The following TMEM175 variants were observed in gnomAD, a reference collection of about 807,000 sequenced individuals.
TMEM175 encodes endosomal/lysosomal proton channel TMEM175.
In TMEM175, 36 loss-of-function variants were observed where a neutral mutation model predicts 36.5. The ratio of observed to expected loss-of-function variants is 0.99; its 90% confidence interval spans 0.76 to 1.30. The LOEUF (loss-of-function observed/expected upper bound fraction) is 1.30, where lower values mean the gene tolerates loss of function less well. TMEM175 is among the 50% of genes most tolerant of loss of function. TMEM175 has a pLI of 0.00. For missense variants in TMEM175, 705 were observed against 692.8 expected (o/e 1.02, Z -0.20); for synonymous variants, 339 against 313.4 (o/e 1.08, Z -0.86).
At chr4:954,975 A>G (rs531195609) in intron 8 of TMEM175, among the ~76,000 whole-genome samples, 90 of 152,244 alleles carry the variant, frequency 5.9e-4, no homozygotes, top group South Asian at 2.3e-3. Flanking sequence ...AGAATTTCAG[A>G]TAGGGAGATA....
chr4:937,202 G>A (rs1726893519), intron 1 of TMEM175, among the ~76,000 whole-genome samples: 1 of 152,140 alleles, frequency 6.6e-6, no homozygotes, highest in African/African-American at 2.4e-5. Flanking sequence ...GAAGGGAATA[G>A]ATAACCTAAA....
chr4:939,340 G>A lies in TMEM175; in HGVS notation c.-32+6800G>A, dbSNP rs1389801915. Among the ~76,000 whole-genome samples, 9 of 152,228 alleles carry A rather than the reference G, an allele frequency of 5.9e-5. 1 individual carries two copies. Among genetic ancestry groups the A allele is most frequent in the Admixed American group, 4.6e-4 (7 of 15,276 alleles). ...TCACGCCTGTAATCCTAGCACTTTG[G>A]GAGGCTGAGGCGGGCAGATCACTTG... On this transcript the variant is annotated intron_variant, in intron 1 of 10. Transcript: ENST00000264771.
chr4:937,819 T>C (rs1371091319), intron 1 of TMEM175, among the ~76,000 whole-genome samples: 1 of 152,128 alleles, frequency 6.6e-6, no homozygotes, highest in Non-Finnish European at 1.5e-5. Context: ...AATCCAACAC[T>C]ATATACAGAA....
chr4:957,939 G>A lies in TMEM175; in HGVS notation c.958G>A (p.Val320Met). The part of the protein sequence containing the change: ...FLAYFGSFAT[V>M]GLLWFAHHSL... ...GGCGTACTTCGGCTCCTTCGCCACA[G>A]TGGGACTGCTGTGGTTCGCCCACCA... Residue 320 changes from valine (V) to methionine (M), a missense_variant, in exon 11 of 11, where the codon GTG (valine) becomes ATG (methionine). Transcript: ENST00000264771. 2 of 1,612,864 alleles carry A rather than the reference G, an allele frequency of 1.2e-6. No individual in the cohort carries two copies. The highest frequency in any genetic ancestry group is 1.7e-6 in the Non-Finnish European group (2 of 1,179,944).
intron 10 of TMEM175, chr4:956,371 C>T (rs982718554): frequency 6.7e-5 from 87 of 1,290,752 alleles, no homozygotes; most frequent in Non-Finnish European, 8.2e-5. Flanking sequence ...TGCTCCTCCG[C>T]GGCCTCATCT....
intron 3 of TMEM175, chr4:948,371 G>T: frequency 6.5e-7 from 1 of 1,532,464 alleles, no homozygotes; most frequent in Non-Finnish European, 8.7e-7. Flanking sequence ...TCCTGGGAGG[G>T]TGGGAGACTG....
At chr4:956,410 C>T (rs910998608) in intron 10 of TMEM175, 38 of 1,288,140 alleles carry the variant, frequency 2.9e-5, no homozygotes, top group South Asian at 6.2e-5. Context: ...GCGCGCGTCT[C>T]GTCTCAGTCG....
intron 1 of TMEM175, among the ~76,000 whole-genome samples, chr4:945,255 T>G (rs144662709): frequency 2.2e-4 from 33 of 152,238 alleles, no homozygotes; most frequent in Non-Finnish European, 3.5e-4. Flanking sequence ...AACACACATG[T>G]CCGTTTACAT....
intron 1 of TMEM175, among the ~76,000 whole-genome samples, chr4:934,591 TG>T (rs1726588849): frequency 1.3e-5 from 2 of 152,214 alleles, no homozygotes; most frequent in African/African-American, 4.8e-5. Context: ...TCAAAATGTT[TG>T]TCTGTGGAAG....
rs1158604002 is a variant in TMEM175, at chr4:955,844, G to A, written c.796G>A (p.Asp266Asn). Reference sequence around the variant, plus strand: ...CAAGGAGCGCGTGGAAGCCTTCAGCGACGGAGTCTACGCCATCGTGGCCAC... The same window carrying A: ...CAAGGAGCGCGTGGAAGCCTTCAGCAACGGAGTCTACGCCATCGTGGCCAC... ...LSKERVEAFS[D>N]GVYAIVATLL... The change falls in exon 10 of 11, where the codon GAC (aspartate) becomes AAC (asparagine). Residue 266 changes from aspartate to asparagine, a missense_variant. By Grantham distance (23) the Asp-to-Asn change is conservative. Coordinates refer to ENST00000264771, the MANE Select transcript of TMEM175 (RefSeq NM_032326.4). 8.7e-6 allele frequency: 14 copies of A among 1,613,966 alleles called. No individual in the cohort carries two copies. Among genetic ancestry groups the A allele is most frequent in the East Asian group, 6.7e-5 (3 of 44,896 alleles).
intron 3 of TMEM175, among the ~76,000 whole-genome samples, 181 bp from the exon 4 acceptor site, chr4:950,240 A>G (rs1433850932): frequency 6.6e-6 from 1 of 152,116 alleles, no homozygotes; most frequent in Non-Finnish European, 1.5e-5. Context: ...GGCTGGACCC[A>G]GACCAGGGCA....
intron 8 of TMEM175, among the ~76,000 whole-genome samples, chr4:955,147 G>T (rs1342503596): frequency 6.6e-6 from 1 of 152,090 alleles, no homozygotes; most frequent in Non-Finnish European, 1.5e-5. Context: ...TTACTATGTT[G>T]CCCAGGCTGG....
intron 1 of TMEM175, among the ~76,000 whole-genome samples, chr4:945,381 C>CTCCCCGCCGTCTG (rs1217634992): frequency 1.3e-5 from 2 of 152,136 alleles, no homozygotes; most frequent in Non-Finnish European, 2.9e-5. Flanking sequence ...TGTCGTCTCA[C>CTCCCCGCCGTCTG]TCCCCGCCGT....
chr4:947,052 C>T (rs1478694533), intron 1 of TMEM175, among the ~76,000 whole-genome samples: 3 of 135,174 alleles, frequency 2.2e-5, no homozygotes, highest in Admixed American at 2.2e-4. Flanking sequence ...TGCACGGGCG[C>T]CGAGACCGAG....
chr4:948,746 A>AT, intron 3 of TMEM175: 1 of 1,051,706 alleles, frequency 9.5e-7, no homozygotes, highest in African/African-American at 1.7e-5. Context: ...CTGTGTCCTC[A>AT]TGACAGGGTC....
At chr4:934,098 G>A (rs1318290711) in intron 1 of TMEM175, among the ~76,000 whole-genome samples, 1 of 152,250 alleles carries the variant, frequency 6.6e-6, no homozygotes, top group Non-Finnish European at 1.5e-5. Context: ...TTCAACGCAA[G>A]TCATGGCTTT....
chr4:954,247 A>G (rs1165750084), intron 8 of TMEM175, among the ~76,000 whole-genome samples: 1 of 152,190 alleles, frequency 6.6e-6, no homozygotes, highest in Non-Finnish European at 1.5e-5. Flanking sequence ...TCAGCCTCCC[A>G]AAGTGCTGGG....
In TMEM175 at chr4:950,415, T is replaced by A; in HGVS notation, c.193-6T>A. 6.2e-7 allele frequency: 1 copy of A among 1,610,594 alleles called. No individual in the cohort carries two copies. The highest frequency in any genetic ancestry group is 1.1e-5 in the South Asian group (1 of 91,016). On this transcript the variant is annotated splice_region_variant and splice_polypyrimidine_tract_variant and intron_variant, in intron 3 of 10. Transcript: ENST00000264771. ...GGGCTCTGACAGCAGTGCTCTTGTA[T>A]TCCAGCAGTTCGACAGAAGTGTACA...
At chr4:949,478 C>T (rs532863922) in intron 3 of TMEM175, among the ~76,000 whole-genome samples, 23 of 152,286 alleles carry the variant, frequency 1.5e-4, no homozygotes, top group African/African-American at 5.3e-4. Context: ...GTGGACACCT[C>T]CTTGTGAGGA....
Sources: allele counts gnomAD v4.1 joint callset (sites outside exome capture counted in the v4.1 genomes callset), GRCh38; gene constraint gnomAD v4.1.1; transcripts MANE v1.5; gene names NCBI Gene and HGNC (gene_info 2026-07-23, HGNC 2026-07-21).